ST18: variants seen among roughly 807,000 people sequenced by gnomAD.
ST18 encodes suppression of tumorigenicity 18 protein.
Under a neutral mutation model 110.0 loss-of-function variants are expected in ST18, and 50 were observed. That is an observed-to-expected ratio of 0.45 (90% CI 0.36 to 0.58). The LOEUF is 0.58. Among genes scored for constraint, ST18 ranks in the 20% least tolerant of loss-of-function variants. ST18 has a pLI of 0.00. For missense variants in ST18, 1,306 were observed against 1,280.1 expected (o/e 1.02, Z -0.31); for synonymous variants, 461 against 452.4 (o/e 1.02, Z -0.24).
At chr8:52,214,354 A>G in intron 6 of ST18, 97 bp from the exon 7 acceptor site, 1 of 1,323,282 alleles carries the variant, frequency 7.6e-7, no homozygotes, top group Non-Finnish European at 1.1e-6. Context: ...TATGAAAAAC[A>G]GTAGCCTTCC....
rs564490390 is a variant in ST18 at position 52,309,085 on chromosome 8, G to C, written c.-464-79008C>G. ...GATGAATAATAAAGATTGAAATAGA[G>C]ACCTTATATAAGGGTCGGTACTGCT... On this transcript the variant is annotated intron_variant, in intron 2 of 25. Transcript: ENST00000689386. Among the ~76,000 whole-genome samples, 6 of 152,274 alleles carry C rather than the reference G, an allele frequency of 3.9e-5. No individual in the cohort carries two copies. The South Asian group carries it at 1.0e-3, about 26-fold the overall frequency.
At chr8:52,154,879 G>GA (rs532100359) in intron 15 of ST18, 1,253 of 104,774 alleles carry the variant, frequency 0.012, 11 homozygotes, top group Admixed American at 0.026. Flanking sequence ...GATCCTCTCA[G>GA]AAAAAAAAAA....
chr8:52,183,154 A>C (rs1318186494), intron 8 of ST18, among the ~76,000 whole-genome samples: 10 of 152,196 alleles, frequency 6.6e-5, no homozygotes, highest in Admixed American at 6.5e-4. Flanking sequence ...TGCATTTGAC[A>C]GTTGGTTAGA....
chr8:52,163,881 G>C, intron 13 of ST18, 105 bp downstream of exon 13: 1 of 794,848 alleles, frequency 1.3e-6, no homozygotes, highest in Non-Finnish European at 2.1e-6. Context: ...CTGGGGCTGA[G>C]AGGGGAGGTC....
At position 52,111,948 on chromosome 8, in the gene ST18, C is replaced by CTG. The variant is rs147303949; in HGVS notation, c.*1248_*1249dup. 0.018 allele frequency: 2,744 copies of CTG among 148,848 alleles called. 33 individuals are homozygous for CTG. The highest frequency in any genetic ancestry group is 0.046 in the Middle Eastern group (13 of 284). The allele number at this position is 148,848 out of a possible 1,614,324, so 9.2% of individuals were successfully genotyped here. A position where few individuals can be genotyped will look rare whatever the true frequency, so the allele number is the denominator to read the frequency against. ...GGCTCAATTTGAAGTGTGGATGAGT[C>CTG]TGTGTGTGTGTGTGTGTGTGTGTCT... On this transcript the variant is annotated 3_prime_UTR_variant, in exon 26 of 26. Coordinates refer to ENST00000689386, the MANE Select transcript of ST18 (RefSeq NM_001352837.2).
chr8:52,140,641 T>C (rs2054653535), intron 17 of ST18, among the ~76,000 whole-genome samples: 1 of 152,122 alleles, frequency 6.6e-6, no homozygotes, highest in Non-Finnish European at 1.5e-5. Flanking sequence ...TTCTTAAGAA[T>C]TTTTGGAATG....
intron 16 of ST18, among the ~76,000 whole-genome samples, chr8:52,145,689 T>C (rs1383130696): frequency 6.7e-6 from 1 of 150,304 alleles, no homozygotes. Flanking sequence ...TATATATGTG[T>C]GTGTTTAGAG....
intron 2 of ST18, among the ~76,000 whole-genome samples, chr8:52,253,273 G>A (rs2094403618): frequency 6.6e-6 from 1 of 152,060 alleles, no homozygotes; most frequent in Admixed American, 6.6e-5. Context: ...AAAGGAATAT[G>A]AGGCAAAGTA....
intron 2 of ST18, among the ~76,000 whole-genome samples, chr8:52,397,113 G>A (rs1042142197): frequency 6.6e-6 from 1 of 152,114 alleles, no homozygotes; most frequent in Non-Finnish European, 1.5e-5. Flanking sequence ...GTGTACTGTG[G>A]TTCCCTTTTC....
chr8:52,171,583 GA>G, intron 10 of ST18: 1 of 684,236 alleles, frequency 1.5e-6, no homozygotes, highest in South Asian at 1.5e-5. Context: ...TTTCATGTGT[GA>G]AAATAGTCCA....
At chr8:52,113,951 CGTGTTTT>C in intron 25 of ST18, among the ~76,000 whole-genome samples, 2 of 59,084 alleles carry the variant, frequency 3.4e-5, no homozygotes, top group Non-Finnish European at 8.8e-5. Flanking sequence ...TTATTCATAC[CGTGTTTT>C]TTTTTTTTTT....
At chr8:52,406,430 C>G (rs933573315) in intron 2 of ST18, 4 of 152,500 alleles carry the variant, frequency 2.6e-5, no homozygotes, top group Non-Finnish European at 4.4e-5. Context: ...AGGCATCTCT[C>G]AGAGATTTGG....
chr8:52,161,627 T>C (rs1287335471), intron 13 of ST18, 59 bp from the exon 14 acceptor site: 2 of 1,570,290 alleles, frequency 1.3e-6, no homozygotes, highest in African/African-American at 2.7e-5. Flanking sequence ...GTGAGCACAT[T>C]AGTGTCAGAA....
At chr8:52,198,558 A>G (rs1470591474) in intron 8 of ST18, among the ~76,000 whole-genome samples, 1 of 152,198 alleles carries the variant, frequency 6.6e-6, no homozygotes, top group African/African-American at 2.4e-5. Flanking sequence ...AACATACTGG[A>G]GTAATATTTA....
intron 2 of ST18, among the ~76,000 whole-genome samples, chr8:52,248,114 C>A (rs1404573320): frequency 6.6e-6 from 1 of 151,966 alleles, no homozygotes; most frequent in East Asian, 1.9e-4. Context: ...TCATCCAGAC[C>A]ATATTATTTA....
At chr8:52,215,045 T>C (rs1340718742) in intron 6 of ST18, among the ~76,000 whole-genome samples, 1 of 152,202 alleles carries the variant, frequency 6.6e-6, no homozygotes, top group African/African-American at 2.4e-5. Flanking sequence ...CTGCACATTA[T>C]CAGGAGGAAT....
At chr8:52,199,864 T>C (rs2077374648) in intron 8 of ST18, among the ~76,000 whole-genome samples, 1 of 152,170 alleles carries the variant, frequency 6.6e-6, no homozygotes, top group African/African-American at 2.4e-5. Flanking sequence ...GCCTGCTCTG[T>C]GACAGCAGAA....
chr8:52,291,642 A>G (rs958374442), intron 2 of ST18, among the ~76,000 whole-genome samples: 1 of 152,226 alleles, frequency 6.6e-6, no homozygotes, highest in African/African-American at 2.4e-5. Flanking sequence ...GATTTAGAAA[A>G]AATATTATAT....
intron 2 of ST18, among the ~76,000 whole-genome samples, chr8:52,353,996 C>T (rs1001060082): frequency 3.9e-5 from 6 of 152,244 alleles, no homozygotes; most frequent in African/African-American, 1.4e-4. Flanking sequence ...GCCCACTCCA[C>T]CTGCTGAACA....
Sources: gnomAD v4.1 joint callset for allele counts (sites outside exome capture counted in the v4.1 genomes callset) on GRCh38, gnomAD v4.1.1 for gene constraint, MANE v1.5 for transcripts, NCBI Gene and HGNC (gene_info 2026-07-23, HGNC 2026-07-21) for gene names.